ZDHHC20: variants seen among roughly 807,000 people sequenced by gnomAD.
The protein encoded by ZDHHC20 is zDHHC palmitoyltransferase 20, also known as palmitoyltransferase ZDHHC20.
A neutral mutation model predicts 57.8 loss-of-function variants in ZDHHC20; 43 were observed. The observed-to-expected ratio is 0.74, with a 90% CI of 0.58 to 0.96. The LOEUF (loss-of-function observed/expected upper bound fraction) is 0.96, where lower values mean the gene tolerates loss of function less well. Among genes scored for constraint, ZDHHC20 ranks in the 40% least tolerant of loss-of-function variants. The pLI, the probability that ZDHHC20 is intolerant of heterozygous loss-of-function variation, is 0.00. For missense variants in ZDHHC20, 391 were observed against 441.1 expected (o/e 0.89, Z 1.02); for synonymous variants, 157 against 153.0 (o/e 1.03, Z -0.19).
chr13:21,453,849 G>A (rs1829509506), intron 1 of ZDHHC20, among the ~76,000 whole-genome samples: 2 of 151,878 alleles, frequency 1.3e-5, no homozygotes, highest in South Asian at 4.2e-4. Context: ...AAAATAAAAG[G>A]ATTTGTTTGT....
At chr13:21,412,391 G>A (rs1020325481) in intron 4 of ZDHHC20, among the ~76,000 whole-genome samples, 4 of 152,236 alleles carry the variant, frequency 2.6e-5, no homozygotes, top group Non-Finnish European at 5.9e-5. Context: ...AAAGTAACAG[G>A]TGAAAGGACA....
chr13:21,381,335 T>C, intron 11 of ZDHHC20, 99 bp downstream of exon 11: 1 of 1,020,268 alleles, frequency 9.8e-7, no homozygotes, highest in Non-Finnish European at 1.4e-6. Context: ...TATTTTAGTA[T>C]TTTTAAAATG....
At chr13:21,444,550 G>C (rs1397612390) in intron 1 of ZDHHC20, among the ~76,000 whole-genome samples, 1 of 152,158 alleles carries the variant, frequency 6.6e-6, no homozygotes, top group Non-Finnish European at 1.5e-5. Flanking sequence ...GATAAAATTA[G>C]TAAATTTATG....
intron 3 of ZDHHC20, among the ~76,000 whole-genome samples, chr13:21,414,527 A>ATTTTTTTTT (rs747307477): frequency 7.6e-4 from 82 of 107,478 alleles, no homozygotes; most frequent in Middle Eastern, 6.2e-3. Context: ...TGCCCGGATA[A>ATTTTTTTTT]TTTTTTTTTT....
At chr13:21,412,269 T>C (rs1050640814) in intron 4 of ZDHHC20, among the ~76,000 whole-genome samples, 6 of 152,222 alleles carry the variant, frequency 3.9e-5, no homozygotes, top group African/African-American at 7.2e-5. Flanking sequence ...CTTGAATCTG[T>C]TGTAATTTCT....
intron 1 of ZDHHC20, among the ~76,000 whole-genome samples, chr13:21,426,604 TTTC>T (rs1881278369): frequency 7.3e-6 from 1 of 137,274 alleles, no homozygotes; most frequent in Non-Finnish European, 1.6e-5. Context: ...TTTTTCTCCT[TTTC>T]TTTTTTTTTT....
intron 7 of ZDHHC20, among the ~76,000 whole-genome samples, chr13:21,398,189 G>A (rs540498775): frequency 6.6e-6 from 1 of 152,280 alleles, no homozygotes; most frequent in East Asian, 1.9e-4. Context: ...AACAGGTTGG[G>A]CGCGGTGGCT....
chr13:21,393,648 G>A (rs993391345), intron 7 of ZDHHC20, among the ~76,000 whole-genome samples: 15 of 145,776 alleles, frequency 1.0e-4, no homozygotes, highest in African/African-American at 2.6e-4. Flanking sequence ...AGGTTGCAGT[G>A]AGCCGAGATC....
At chr13:21,422,171 G>T (rs980854747) in intron 2 of ZDHHC20, among the ~76,000 whole-genome samples, 1 of 151,324 alleles carries the variant, frequency 6.6e-6, no homozygotes, top group South Asian at 2.1e-4. Context: ...GTATTTTAAT[G>T]ATTTTCTCCA....
intron 7 of ZDHHC20, among the ~76,000 whole-genome samples, chr13:21,393,823 C>A (rs1876276905): frequency 6.7e-6 from 1 of 148,826 alleles, no homozygotes; most frequent in Non-Finnish European, 1.5e-5. Flanking sequence ...AAGTGCTGGA[C>A]TACAGGCGTG....
chr13:21,378,711 A>G lies in ZDHHC20; in HGVS notation c.1088T>C (p.Ile363Thr), dbSNP rs1323074196. 6 of 1,465,892 alleles carry G rather than the reference A, an allele frequency of 4.1e-6. No individual in the cohort carries two copies. The highest frequency in any genetic ancestry group is 2.5e-5 in the East Asian group (1 of 39,282). The allele number at this position is 1,465,892 out of a possible 1,614,324, so 90.8% of individuals were successfully genotyped here. A position where few individuals can be genotyped will look rare whatever the true frequency, so the allele number is the denominator to read the frequency against. ...ATGAACAAGTGGTACTCAATTTTCT[A>G]TTGCCACTGTTACATGGTTATTTGT... The part of the protein sequence containing the change: ...SGTNNHVTVA[I>T]EN Residue 363 changes from isoleucine (I) to threonine (T), a missense_variant, in exon 12 of 13, where the codon ATA (isoleucine) becomes ACA (threonine). Physicochemically the swap from Ile to Thr is moderately conservative, Grantham distance 89. This residue lies in a region of ZDHHC20 where 197 missense variants were observed against 220.8 expected (regional missense o/e 0.89). Transcript: ENST00000400590.
intron 1 of ZDHHC20, among the ~76,000 whole-genome samples, chr13:21,452,133 T>C (rs1884500728): frequency 6.6e-6 from 1 of 152,188 alleles, no homozygotes; most frequent in African/African-American, 2.4e-5. Context: ...ATTATTCCAG[T>C]TATATGGGAT....
At chr13:21,412,958 A>G (rs1879416009) in intron 4 of ZDHHC20, among the ~76,000 whole-genome samples, 1 of 121,812 alleles carries the variant, frequency 8.2e-6, no homozygotes, top group South Asian at 2.9e-4. Flanking sequence ...ACAGAGCGAG[A>G]CTCCGTCTCA....
chr13:21,425,750 A>C, intron 1 of ZDHHC20, 72 bp from the exon 2 acceptor site: 1 of 913,486 alleles, frequency 1.1e-6, no homozygotes, highest in South Asian at 2.4e-5. Context: ...TTCAGGTTGA[A>C]TATTCATCTT....
rs534738699 is a variant in ZDHHC20 at position 21,459,235 on chromosome 13, C to G, written c.-64G>C. 6.8e-6 allele frequency: 9 copies of G among 1,321,884 alleles called. No individual in the cohort carries two copies. The highest frequency in any genetic ancestry group is 8.3e-6 in the Non-Finnish European group (8 of 965,732). The allele number at this position is 1,321,884 out of a possible 1,614,324, so 81.9% of individuals were successfully genotyped here. Reference sequence around the variant, plus strand: ...CTGGGGAGCGCGGGAGCCCCGGCGACGGTGACTCGGACGCTCCAGGCGGCT... The same window carrying G: ...CTGGGGAGCGCGGGAGCCCCGGCGAGGGTGACTCGGACGCTCCAGGCGGCT... On this transcript the variant is annotated 5_prime_UTR_variant, in exon 1 of 13. Coordinates refer to ENST00000400590, the MANE Select transcript of ZDHHC20 (RefSeq NM_001330059.2).
intron 4 of ZDHHC20, among the ~76,000 whole-genome samples, chr13:21,408,723 A>T (rs1044717780): frequency 4.6e-5 from 7 of 152,180 alleles, no homozygotes; most frequent in African/African-American, 1.7e-4. Flanking sequence ...GCTTTTGCCC[A>T]TTCAGTATGA....
intron 5 of ZDHHC20, 109 bp downstream of exon 5, chr13:21,402,688 T>C (rs1194426497): frequency 3.5e-6 from 3 of 864,978 alleles, no homozygotes; most frequent in South Asian, 1.6e-5. Flanking sequence ...TGGGAGAGGA[T>C]GAAGTGTTCT....
chr13:21,380,986 TTTTA>T (rs959515551), intron 11 of ZDHHC20, among the ~76,000 whole-genome samples: 6 of 151,236 alleles, frequency 4.0e-5, no homozygotes, highest in South Asian at 2.1e-4. Context: ...CCTATATATA[TTTTA>T]TTTATTTATT....
chr13:21,430,757 G>A (rs1427209810), intron 1 of ZDHHC20, among the ~76,000 whole-genome samples: 3 of 151,798 alleles, frequency 2.0e-5, no homozygotes, highest in Non-Finnish European at 4.4e-5. Context: ...AGCTTCTCTA[G>A]CACATATATG....
Sources: allele counts gnomAD v4.1 joint callset (sites outside exome capture counted in the v4.1 genomes callset), GRCh38; gene constraint gnomAD v4.1.1; regional missense constraint gnomAD v4.1.1; transcripts MANE v1.5; gene names NCBI Gene and HGNC (gene_info 2026-07-23, HGNC 2026-07-21).